The following KLF12 variants were observed in gnomAD, a reference collection of about 807,000 sequenced individuals.
KLF12 encodes the protein KLF transcription factor 12, also known as Krueppel-like factor 12.
In KLF12, 9 loss-of-function variants were observed where a neutral mutation model predicts 37.8. That is an observed-to-expected ratio of 0.24 (90% CI 0.14 to 0.42). KLF12 has a LOEUF of 0.42. KLF12 is among the 10% of genes least tolerant of loss of function. The pLI, the probability that KLF12 is intolerant of heterozygous loss-of-function variation, is 1.00. For missense variants in KLF12, 411 were observed against 516.0 expected, an observed-to-expected ratio of 0.80 and a Z score of 1.97; for synonymous variants, 208 against 202.1, an observed-to-expected ratio of 1.03 and a Z score of -0.25.
chr13:73,976,152 G>GTTT (rs34517205), intron 2 of KLF12, among the ~76,000 whole-genome samples: 2 of 143,436 alleles, frequency 1.4e-5, no homozygotes, highest in Admixed American at 1.4e-4. Flanking sequence ...TTGTTTTGGG[G>GTTT]TTTTTTTTTT....
chr13:74,275,925 CT>C, the KLF12 span, among the ~76,000 whole-genome samples: 2 of 124,262 alleles, frequency 1.6e-5, no homozygotes, highest in African/African-American at 3.3e-5. Flanking sequence ...TTCTTTCTTT[CT>C]TTCTTCATTT....
chr13:74,168,138 G>A, the KLF12 span, among the ~76,000 whole-genome samples: 1 of 152,198 alleles, frequency 6.6e-6, no homozygotes, highest in East Asian at 1.9e-4. Flanking sequence ...ATGAATTGTA[G>A]CAGTATTTAC....
chr13:74,047,002 T>C, intron 1 of KLF12, among the ~76,000 whole-genome samples: 1 of 152,110 alleles, frequency 6.6e-6, no homozygotes, highest in African/African-American at 2.4e-5. Context: ...AGGAAAAAAA[T>C]CAAGAAATTA....
chr13:73,821,854 C>A (rs1883543614), intron 4 of KLF12, among the ~76,000 whole-genome samples: 1 of 152,202 alleles, frequency 6.6e-6, no homozygotes. Flanking sequence ...ATAATACCTT[C>A]ATGACCCTTC....
intron 1 of KLF12, among the ~76,000 whole-genome samples, chr13:74,085,113 A>G (rs971779695): frequency 1.3e-4 from 20 of 152,174 alleles, no homozygotes; most frequent in Non-Finnish European, 2.2e-4. Flanking sequence ...AGAGAAAGAC[A>G]CAAACATCCA....
the KLF12 span, among the ~76,000 whole-genome samples, chr13:74,187,071 T>C: frequency 3.3e-5 from 5 of 152,228 alleles, no homozygotes; most frequent in Non-Finnish European, 7.3e-5. Flanking sequence ...TGCTGATTCA[T>C]ACGCTTCCTT....
intron 5 of KLF12, among the ~76,000 whole-genome samples, chr13:73,812,176 A>T (rs1882973011): frequency 6.6e-6 from 1 of 152,116 alleles, no homozygotes; most frequent in Non-Finnish European, 1.5e-5. Context: ...AAGATTTTTT[A>T]AAAAGTTGAA....
At chr13:74,063,378 A>G (rs1873724278) in intron 1 of KLF12, among the ~76,000 whole-genome samples, 1 of 152,210 alleles carries the variant, frequency 6.6e-6, no homozygotes, top group Non-Finnish European at 1.5e-5. Flanking sequence ...CCATGCATTC[A>G]GACTGCACTA....
intron 3 of KLF12, among the ~76,000 whole-genome samples, chr13:73,852,435 T>A (rs553708432): frequency 1.2e-4 from 19 of 152,314 alleles, no homozygotes; most frequent in African/African-American, 4.6e-4. Flanking sequence ...GATATTTGAA[T>A]AAATATTTAA....
intron 3 of KLF12, among the ~76,000 whole-genome samples, chr13:73,943,231 G>A (rs143503685): frequency 1.8e-3 from 276 of 152,216 alleles, no homozygotes; most frequent in Non-Finnish European, 3.5e-3. Flanking sequence ...CAGTGGTGGT[G>A]GTTTAATAAA....
At chr13:74,096,433 A>C (rs945942713) in intron 1 of KLF12, among the ~76,000 whole-genome samples, 3 of 152,212 alleles carry the variant, frequency 2.0e-5, no homozygotes, top group African/African-American at 7.2e-5. Context: ...CAAAGATTAC[A>C]ATCACAATGA....
rs994083737 is a variant in KLF12, at chr13:73,686,305, A to G, written c.*9185T>C. 6.5e-6 allele frequency: 1 copy of G among 152,756 alleles called. No homozygotes were observed. The highest frequency in any genetic ancestry group is 1.5e-5 in the Non-Finnish European group (1 of 68,030). 9.5% of individuals were successfully genotyped at this position (152,756 alleles called of 1,614,324 possible). A position where few individuals can be genotyped will look rare whatever the true frequency, so the allele number is the denominator to read the frequency against. On this transcript the variant is annotated 3_prime_UTR_variant, in exon 8 of 8. Coordinates refer to ENST00000377669, the MANE Select transcript of KLF12 (RefSeq NM_007249.5). ...AAATCTCTGAGAATAGACTGGAATA[A>G]TCATCCTCTGAGAGAATCTCATTAG... is the stretch of plus-strand genomic sequence containing the variant.
At chr13:73,803,362 C>T (rs780543288) in intron 5 of KLF12, among the ~76,000 whole-genome samples, 10 of 152,196 alleles carry the variant, frequency 6.6e-5, no homozygotes, top group Non-Finnish European at 1.3e-4. Flanking sequence ...GCCTGGAATG[C>T]TCTTCCTTTA....
chr13:74,275,854 CTTTCTTTCTTTCTATCTTTCTTTCTTCT>C, the KLF12 span, among the ~76,000 whole-genome samples: 11 of 114,902 alleles, frequency 9.6e-5, no homozygotes, highest in East Asian at 9.2e-4. Context: ...TTCTTTCTTT[CTTTCTTTCTTTCTATCTTTCTTTCTTCT>C]TTCTTTCTTT....
chr13:73,964,931 A>G (rs2875670), intron 2 of KLF12, among the ~76,000 whole-genome samples: 129,690 of 152,178 alleles, frequency 0.85, 55,608 homozygotes, highest in Middle Eastern at 0.93. Context: ...AGCCAAAGAC[A>G]AAACAGGACT....
intron 3 of KLF12, among the ~76,000 whole-genome samples, chr13:73,912,880 C>A (rs1199166661): frequency 2.0e-5 from 3 of 152,166 alleles, no homozygotes; most frequent in African/African-American, 7.2e-5. Flanking sequence ...TCACTCACAG[C>A]ATGAAGCTTT....
chr13:74,272,093 A>G, the KLF12 span, among the ~76,000 whole-genome samples: 1 of 152,216 alleles, frequency 6.6e-6, no homozygotes, highest in Admixed American at 6.5e-5. Context: ...GCCATCATAA[A>G]TAAAAATCAG....
chr13:73,834,528 T>C lies in KLF12; in HGVS notation c.670+11299A>G, dbSNP rs1195396787. Among the ~76,000 whole-genome samples, 3 of 152,280 alleles carry C rather than the reference T, an allele frequency of 2.0e-5. No individual in the cohort carries two copies. In the East Asian group the frequency reaches 5.8e-4, roughly 29 times the overall value. ...TTTATCTTATTTTATTTTACTTTTA[T>C]GAGACAGAGTCTCATTCTGTTTCCT... On this transcript the variant is annotated intron_variant, in intron 4 of 7. Transcript: ENST00000377669.
intron 4 of KLF12, among the ~76,000 whole-genome samples, chr13:73,829,560 T>C (rs1008173382): frequency 2.6e-5 from 4 of 152,196 alleles, no homozygotes; most frequent in African/African-American, 9.6e-5. Context: ...TTTACATTTA[T>C]ACATAGATGC....
Sources: gnomAD v4.1 joint callset for allele counts (sites outside exome capture counted in the v4.1 genomes callset) on GRCh38, gnomAD v4.1.1 for gene constraint, MANE v1.5 for transcripts, NCBI Gene and HGNC (gene_info 2026-07-23, HGNC 2026-07-21) for gene names.